Variants in SSUH2 observed in about 807,000 individuals in gnomAD.
SSUH2 encodes protein SSUH2 homolog.
In SSUH2, 47 loss-of-function variants were observed where a neutral mutation model predicts 55.3. The observed-to-expected ratio is 0.85, with a 90% confidence interval of 0.67 to 1.08. SSUH2 has a LOEUF of 1.08. Ranked by LOEUF, SSUH2 falls within the 50% of genes least tolerant of loss-of-function variation. The pLI is 0.00. For missense variants in SSUH2, 535 were observed against 490.7 expected, an observed-to-expected ratio of 1.09 and a Z score of -0.85; for synonymous variants, 212 against 191.5, an observed-to-expected ratio of 1.11 and a Z score of -0.89.
At chr3:8,621,990 G>A (rs549706607) in intron 11 of SSUH2, among the ~76,000 whole-genome samples, 162 of 151,736 alleles carry the variant, frequency 1.1e-3, no homozygotes, top group African/African-American at 3.6e-3. Context: ...GAAGTTTGAG[G>A]CCACAAATTG....
intron 2 of SSUH2, among the ~76,000 whole-genome samples, chr3:8,678,450 G>C (rs527417254): frequency 2.0e-5 from 3 of 151,800 alleles, no homozygotes; most frequent in South Asian, 2.1e-4. Context: ...TATCCTCTCC[G>C]CCTCTATCCC....
chr3:8,679,093 C>A lies in SSUH2; in HGVS notation c.-901+612G>T, dbSNP rs1324655014. Among the ~76,000 whole-genome samples the A allele has an allele frequency of 2.8e-5, 3 of 105,636 alleles. 1 individual carries two copies. Among genetic ancestry groups the A allele is most frequent in the Non-Finnish European group, 6.5e-5 (3 of 45,996 alleles). The allele number at this position is 105,636 out of a possible 152,430, so 69.3% of individuals were successfully genotyped here. ...GCGAGGCGGGGACTGAGAGCAAGCA[C>A]CTCTTTCCCCCCTGGCTCTTAGGAC... On this transcript the variant is annotated intron_variant, in intron 2 of 18. Coordinates refer to the SSUH2 transcript ENST00000317371.
intron 4 of SSUH2, 104 bp downstream of exon 4, chr3:8,633,562 A>G (rs980869559): frequency 5.9e-4 from 456 of 773,260 alleles, no homozygotes; most frequent in Non-Finnish European, 8.3e-4. Context: ...TGCCCCCAGG[A>G]CTCCTTTCCC....
intron 10 of SSUH2, 27 bp from the exon 11 acceptor site, chr3:8,623,683 CCACCTGGCTGCCG>C (rs1351702921): frequency 7.9e-7 from 1 of 1,259,838 alleles, no homozygotes; most frequent in Non-Finnish European, 1.1e-6. Flanking sequence ...GAGACACAGA[CCACCTGGCTGCCG>C]CACCTGGAGC....
At chr3:8,672,610 T>C (rs1024101016) in intron 3 of SSUH2, among the ~76,000 whole-genome samples, 11 of 151,904 alleles carry the variant, frequency 7.2e-5, no homozygotes, top group Non-Finnish European at 1.2e-4. Flanking sequence ...CCCCTGCTGT[T>C]TGGGGAGTCA....
rs55707040 is a variant in SSUH2, at chr3:8,678,768, C to T, written c.-901+937G>A. Among the ~76,000 whole-genome samples the T allele has an allele frequency of 6.7e-4, 71 of 105,742 alleles. 24 individuals are homozygous for T. The Middle Eastern group carries it at 0.019, about 28-fold the overall frequency. The allele number at this position is 105,742 out of a possible 152,430, so 69.4% of individuals were successfully genotyped here. On this transcript the variant is annotated intron_variant, in intron 2 of 18. Transcript: ENST00000317371. ...ACGCGAGGCGGGGAAAGAGAGCCAGCCCCTCTTCCCTCCCTGCCACTTAGG... is the reference window on the plus strand; with the variant it reads ...ACGCGAGGCGGGGAAAGAGAGCCAGTCCCTCTTCCCTCCCTGCCACTTAGG...
chr3:8,629,785 A>G (rs1698400729), intron 6 of SSUH2, 59 bp from the exon 7 acceptor site: 1 of 1,528,638 alleles, frequency 6.5e-7, no homozygotes, highest in Middle Eastern at 1.7e-4. Flanking sequence ...TCCCACACCC[A>G]TAACATCACC....
chr3:8,627,798 C>A lies in SSUH2; in HGVS notation c.589-15G>T. 6.2e-7 allele frequency: 1 copy of A among 1,601,396 alleles called. No homozygotes were observed. The highest frequency in any genetic ancestry group is 1.1e-5 in the South Asian group (1 of 89,024). On this transcript the variant is annotated splice_polypyrimidine_tract_variant and intron_variant, in intron 7 of 11. Coordinates refer to ENST00000544814, the MANE Select transcript of SSUH2 (RefSeq NM_001256748.3). ...GGGCACCGCACCTGCAGACACACCA[C>A]TGCCTCAGCCCCCGCTGGCCTCCCA...
rs138246415 is a variant in SSUH2 at position 8,662,010 on chromosome 3, G to A, written c.-396+1734C>T. Among the ~76,000 whole-genome samples the A allele has an allele frequency of 3.1e-4, 47 of 152,244 alleles. 1 individual carries two copies. The highest frequency in any genetic ancestry group is 1.1e-3 in the African/African-American group (45 of 41,526). ...ATGTAAAACGTGCCTTTTGCCTTCT[G>A]CCATGATTGTGAGGCTGCCCCAGCC... On this transcript the variant is annotated intron_variant, in intron 6 of 18. Transcript: ENST00000317371.
At chr3:8,625,440 C>T (rs1697326972) in intron 10 of SSUH2, 102 bp downstream of exon 10, 4 of 708,142 alleles carry the variant, frequency 5.6e-6, no homozygotes, top group Non-Finnish European at 9.9e-6. Context: ...ACAACCTGTC[C>T]TTCCAAGGAA....
At position 8,676,948 on chromosome 3, in the gene SSUH2, G is replaced by A. The variant is rs533481977; in HGVS notation, c.-753+258C>T. Among the ~76,000 whole-genome samples the A allele has an allele frequency of 1.9e-3, 275 of 142,944 alleles. 9 individuals are homozygous for A. The highest frequency in any genetic ancestry group is 6.4e-3 in the African/African-American group (249 of 39,092). 93.8% of individuals were successfully genotyped at this position (142,944 alleles called of 152,430 possible). On this transcript the variant is annotated intron_variant, in intron 3 of 18. Transcript: ENST00000317371. ...CTCTTAGGACCCCCATAGTACGGGG[G>A]GAAGGCATCCCCCTGTGAGGCGGGG...
At position 8,679,286 on chromosome 3, in the gene SSUH2, G is replaced by A. The variant is rs1374016995; in HGVS notation, c.-901+419C>T. ...TGGCTTTTAGGACCCCCATCGGAGGGGGGGAGCCACCCCCCATGAGGCGGG... is the reference window on the plus strand; with the variant it reads ...TGGCTTTTAGGACCCCCATCGGAGGAGGGGAGCCACCCCCCATGAGGCGGG... On this transcript the variant is annotated intron_variant, in intron 2 of 18. Transcript: ENST00000317371. 2.5e-5 allele frequency among the ~76,000 whole-genome samples: 2 copies of A among 78,456 alleles called. 1 individual carries two copies. The highest frequency in any genetic ancestry group is 8.3e-5 in the African/African-American group (2 of 24,078). 51.5% of individuals were successfully genotyped at this position (78,456 alleles called of 152,430 possible). A position where few individuals can be genotyped will look rare whatever the true frequency, so the allele number is the denominator to read the frequency against.
chr3:8,678,645 AGTG>A lies in SSUH2; in HGVS notation c.-901+1057_-901+1059del, dbSNP rs1705639900. Reference sequence around the variant, plus strand: ...CCCCGGCTTTTGGGACCCCCATCGCAGTGGGGGGAGGCACCCCCCGCGAGGCGG... The same window carrying A: ...CCCCGGCTTTTGGGACCCCCATCGCAGGGGGAGGCACCCCCCGCGAGGCGG... On this transcript the variant is annotated intron_variant, in intron 2 of 18. Transcript: ENST00000317371. 7.5e-4 allele frequency among the ~76,000 whole-genome samples: 38 copies of A among 50,964 alleles called. 4 individuals carry two copies. Among genetic ancestry groups the A allele is most frequent in the Middle Eastern group, 0.037 (2 of 54 alleles). 33.4% of individuals were successfully genotyped at this position (50,964 alleles called of 152,430 possible).
At position 8,632,263 on chromosome 3, in the gene SSUH2, C is replaced by T. The variant is rs149627247; in HGVS notation, c.340-154G>A. On this transcript the variant is annotated intron_variant, in intron 4 of 11. Transcript: ENST00000544814. ...GGCTGCTGGAACTGGCTGACAACAG[C>T]GATTTCTGTTCCACGTGCCCCCATG... Among the ~76,000 whole-genome samples the T allele has an allele frequency of 2.2e-4, 34 of 152,302 alleles. 1 individual carries two copies. In the East Asian group the frequency reaches 6.4e-3, roughly 29 times the overall value.
rs370535007 is a variant in SSUH2, at chr3:8,638,662, G to A, written c.29-2805C>T. On this transcript the variant is annotated intron_variant, in intron 1 of 11. Coordinates refer to ENST00000544814, the MANE Select transcript of SSUH2 (RefSeq NM_001256748.3). ...GTTGATATTAATACCCAAGCAATGAGACAATGTGTGCATAGTCCTTAGTCC... is the reference window on the plus strand; with the variant it reads ...GTTGATATTAATACCCAAGCAATGAAACAATGTGTGCATAGTCCTTAGTCC... Among the ~76,000 whole-genome samples the A allele has an allele frequency of 4.8e-4, 73 of 152,320 alleles. 1 individual carries two copies. Among genetic ancestry groups the A allele is most frequent in the African/African-American group, 1.7e-3 (69 of 41,568 alleles).
At chr3:8,658,498 G>T (rs1391429511) in intron 7 of SSUH2, among the ~76,000 whole-genome samples, 1 of 152,228 alleles carries the variant, frequency 6.6e-6, no homozygotes, top group East Asian at 1.9e-4. Flanking sequence ...GGGCCGCCAG[G>T]CTGGGTGGGG....
At position 8,649,910 on chromosome 3, in the gene SSUH2, C is replaced by T. The variant is rs532468456; in HGVS notation, c.-307+9015G>A. ...CTTGGACTAAAAGCCCAGTCCTTGC[C>T]GTGCTCTGCGAGCGACCCCCTGCAC... On this transcript the variant is annotated intron_variant, in intron 7 of 18. Transcript: ENST00000317371. 3.9e-5 allele frequency among the ~76,000 whole-genome samples: 6 copies of T among 152,250 alleles called. No homozygotes were observed. In the South Asian group the frequency reaches 6.2e-4, roughly 16 times the overall value.
In SSUH2 at chr3:8,679,456, A is replaced by AC. The variant is rs1260405092; in HGVS notation, c.-901+248dup. Among the ~76,000 whole-genome samples, 3 of 117,294 alleles carry AC rather than the reference A, an allele frequency of 2.6e-5. 1 individual carries two copies. Among genetic ancestry groups the AC allele is most frequent in the South Asian group, 5.5e-4 (2 of 3,648 alleles). 76.9% of individuals were successfully genotyped at this position (117,294 alleles called of 152,430 possible). On this transcript the variant is annotated intron_variant, in intron 2 of 18. Transcript: ENST00000317371. ...GACCCCCATCACAGCGGGGGGAGGCACCCCCCGGGAGGCGGGGACTGAGAA... is the reference window on the plus strand; with the variant it reads ...GACCCCCATCACAGCGGGGGGAGGCACCCCCCCGGGAGGCGGGGACTGAGAA...
At position 8,651,075 on chromosome 3, in the gene SSUH2, C is replaced by T. The variant is rs140394370; in HGVS notation, c.-307+7850G>A. ...GGTCCCTCCGTTTCTCCCTTCCTTC[C>T]TACTAATCTGATCCATTTATCTACA... On this transcript the variant is annotated intron_variant, in intron 7 of 18. Coordinates refer to the SSUH2 transcript ENST00000317371. 1.6e-4 allele frequency among the ~76,000 whole-genome samples: 25 copies of T among 152,318 alleles called. 1 individual carries two copies. Among genetic ancestry groups the T allele is most frequent in the African/African-American group, 5.1e-4 (21 of 41,558 alleles).
Sources: allele counts gnomAD v4.1 joint callset (sites outside exome capture counted in the v4.1 genomes callset), GRCh38; gene constraint gnomAD v4.1.1; transcripts MANE v1.5; gene names NCBI Gene and HGNC (gene_info 2026-07-23, HGNC 2026-07-21).